Variants in SERPINB10 observed in about 807,000 individuals in gnomAD.
SERPINB10 encodes serpin family B member 10, also known as serpin B10.
SERPINB10 carries 35 observed loss-of-function variants against 39.1 expected under a neutral mutation model. That is an observed-to-expected ratio of 0.90 (90% CI 0.68 to 1.19). The LOEUF (loss-of-function observed/expected upper bound fraction) is 1.19, where lower values mean the gene tolerates loss of function less well. SERPINB10 is among the 50% of genes most tolerant of loss of function. The pLI is 0.00. For synonymous variants in SERPINB10, 190 were observed against 158.1 expected, an observed-to-expected ratio of 1.20 and a Z score of -1.52; for missense variants, 546 against 460.5, an observed-to-expected ratio of 1.19 and a Z score of -1.70.
At chr18:63,933,343 A>G (rs1223076352) in intron 7 of SERPINB10, 140 bp downstream of exon 7, 3 of 877,048 alleles carry the variant, frequency 3.4e-6, no homozygotes, top group East Asian at 4.9e-5. Flanking sequence ...AAGGTCACCA[A>G]TGTACCTTGA....
In SERPINB10 at chr18:63,933,056, CA is replaced by C; in HGVS notation, c.645del (p.Lys215AsnfsTer5). 1 of 1,612,994 alleles carries C rather than the reference CA, an allele frequency of 6.2e-7. No homozygotes were observed. On this transcript the variant is annotated frameshift_variant, in exon 7 of 8. Transcript: ENST00000238508. LOFTEE classifies it high-confidence loss of function. ...KPFRINETTS[K>X]PVQMMFMKKK... Reference sequence around the variant, plus strand: ...TTTTTTGTTTTTTTTAGACTACAAGCAAACCAGTGCAAATGATGTTTATGAA... The same window carrying C: ...TTTTTTGTTTTTTTTAGACTACAAGCAACCAGTGCAAATGATGTTTATGAA...
At chr18:63,912,092 T>C (rs1262542553) in intron 1 of SERPINB10, among the ~76,000 whole-genome samples, 2 of 152,044 alleles carry the variant, frequency 1.3e-5, no homozygotes, top group African/African-American at 4.8e-5. Flanking sequence ...TTGAATGTTA[T>C]TGGTATATAG....
At chr18:63,913,449 G>C (rs377022567) in intron 1 of SERPINB10, among the ~76,000 whole-genome samples, 1 of 151,932 alleles carries the variant, frequency 6.6e-6, no homozygotes, top group Non-Finnish European at 1.5e-5. Flanking sequence ...GCTTTTCGCT[G>C]CATCTTAGAG....
intron 4 of SERPINB10, among the ~76,000 whole-genome samples, chr18:63,919,050 T>A (rs2050125991): frequency 6.6e-6 from 1 of 152,006 alleles, no homozygotes; most frequent in Admixed American, 6.6e-5. Flanking sequence ...GCAACAGAAT[T>A]AACTCATCAC....
At chr18:63,916,294 A>T (rs572943278) in intron 2 of SERPINB10, among the ~76,000 whole-genome samples, 59 of 151,774 alleles carry the variant, frequency 3.9e-4, no homozygotes, top group African/African-American at 1.4e-3. Flanking sequence ...GTAAAAATAT[A>T]TATGAATACA....
intron 1 of SERPINB10, among the ~76,000 whole-genome samples, chr18:63,914,871 T>C (rs139019765): frequency 1.3e-5 from 2 of 152,036 alleles, no homozygotes; most frequent in Non-Finnish European, 2.9e-5. Context: ...TGAGGAAAAC[T>C]GAGTACTCTT....
In SERPINB10 at chr18:63,930,176, A is replaced by G; in HGVS notation, c.622A>G (p.Arg208Gly). ...LVQNTTEKPF[R>G]INETTSKPVQ... ...GCAAAACACCACAGAAAAGCCTTTT[A>G]GAATAAACGAGGTAGGAAATTTTTA... Residue 208 changes from arginine (R) to glycine (G), a missense_variant, in exon 6 of 8, where the codon AGA (arginine) becomes GGA (glycine). Transcript: ENST00000238508. 6.2e-7 allele frequency: 1 copy of G among 1,612,634 alleles called. No individual in the cohort carries two copies. Among genetic ancestry groups the G allele is most frequent in the Non-Finnish European group, 8.5e-7 (1 of 1,179,316 alleles).
intron 1 of SERPINB10, among the ~76,000 whole-genome samples, chr18:63,913,307 C>CT (rs1285310952): frequency 6.6e-6 from 1 of 151,448 alleles, no homozygotes; most frequent in Non-Finnish European, 1.5e-5. Flanking sequence ...ATGTTTTTTT[C>CT]TTTTGGAAGT....
intron 7 of SERPINB10, among the ~76,000 whole-genome samples, chr18:63,933,769 A>G (rs2050241191): frequency 6.6e-6 from 1 of 152,190 alleles, no homozygotes; most frequent in African/African-American, 2.4e-5. Flanking sequence ...ATTTCTATTA[A>G]TCTGGACACA....
intron 2 of SERPINB10, 137 bp downstream of exon 2, chr18:63,915,815 A>G: frequency 1.4e-6 from 1 of 732,258 alleles, no homozygotes; most frequent in African/African-American, 1.8e-5. Context: ...ATACATTAAA[A>G]CATTCTATAC....
At chr18:63,913,865 C>T (rs2050082704) in intron 1 of SERPINB10, among the ~76,000 whole-genome samples, 1 of 152,040 alleles carries the variant, frequency 6.6e-6, no homozygotes, top group African/African-American at 2.4e-5. Flanking sequence ...GTTAAAGTCC[C>T]CCACTATTGT....
intron 5 of SERPINB10, among the ~76,000 whole-genome samples, chr18:63,929,429 T>G (rs559020638): frequency 6.6e-5 from 10 of 152,092 alleles, no homozygotes; most frequent in African/African-American, 2.4e-4. Context: ...TGATTTATAC[T>G]CTAAGAGTAG....
chr18:63,911,865 G>A (rs945472146), intron 1 of SERPINB10, among the ~76,000 whole-genome samples: 2 of 152,056 alleles, frequency 1.3e-5, no homozygotes, highest in African/African-American at 2.4e-5. Flanking sequence ...TTTGCCTTCG[G>A]CAGTATGGCC....
chr18:63,928,907 G>T (rs893634490), intron 5 of SERPINB10, among the ~76,000 whole-genome samples: 1 of 151,702 alleles, frequency 6.6e-6, no homozygotes, highest in Admixed American at 6.6e-5. Flanking sequence ...CTGAGACTTT[G>T]CTGAAGTTGC....
intron 5 of SERPINB10, among the ~76,000 whole-genome samples, chr18:63,926,106 T>C (rs1214395008): frequency 6.6e-6 from 1 of 151,952 alleles, no homozygotes; most frequent in African/African-American, 2.4e-5. Flanking sequence ...GGGCTAGGTG[T>C]CAAAATCAGG....
At position 63,919,917 on chromosome 18, in the gene SERPINB10, C is replaced by T; in HGVS notation, c.490+12C>T. On this transcript the variant is annotated intron_variant, in intron 5 of 7. Transcript: ENST00000238508. ...AAGACAGACCGAGGGTAAGCTTTCA[C>T]CAAGGGGTTTGGCAGCGTGCTTTTC... The T allele has an allele frequency of 9.0e-6, 14 of 1,552,100 alleles. No individual in the cohort carries two copies. Among genetic ancestry groups the T allele is most frequent in the Non-Finnish European group, 1.1e-5 (13 of 1,134,830 alleles).
chr18:63,933,079 T>C lies in SERPINB10; in HGVS notation c.665T>C (p.Met222Thr), dbSNP rs1328764453. The change falls in exon 7 of 8, where the codon ATG (methionine) becomes ACG (threonine). Residue 222 changes from methionine (M) to threonine (T), a missense_variant. Physicochemically the swap from Met to Thr is moderately conservative, Grantham distance 81. Coordinates refer to ENST00000238508, the MANE Select transcript of SERPINB10 (RefSeq NM_005024.3). ...AGCAAACCAGTGCAAATGATGTTTA[T>C]GAAGAAAAAGCTTCACATTTTTCAC... ...TTSKPVQMMF[M>T]KKKLHIFHIE... The C allele has an allele frequency of 1.2e-6, 2 of 1,613,938 alleles. No individual in the cohort carries two copies. The highest frequency in any genetic ancestry group is 1.3e-5 in the African/African-American group (1 of 74,924).
intron 5 of SERPINB10, among the ~76,000 whole-genome samples, chr18:63,925,806 A>C (rs1037067665): frequency 1.3e-5 from 2 of 152,008 alleles, no homozygotes; most frequent in African/African-American, 2.4e-5. Flanking sequence ...TACTAAAATT[A>C]GTGGACAAAA....
Position 63,919,878 on chromosome 18 carries a change from A to C in SERPINB10, c.463A>C (p.Asn155His). 1 of 1,610,380 alleles carries C rather than the reference A, an allele frequency of 6.2e-7. No individual in the cohort carries two copies. The highest frequency in any genetic ancestry group is 1.1e-5 in the South Asian group (1 of 90,870). ...TTCTGATCAAATCAGAAAGGACATC[A>C]ACTCTTGGGTTGAAAGACAGACCGA... ...EASDQIRKDI[N>H]SWVERQTEGK... The change falls in exon 5 of 8, where the codon AAC (asparagine) becomes CAC (histidine). Residue 155 changes from asparagine to histidine, a missense_variant. Transcript: ENST00000238508.
Sources: gnomAD v4.1 joint callset for allele counts (sites outside exome capture counted in the v4.1 genomes callset) on GRCh38, gnomAD v4.1.1 for gene constraint, MANE v1.5 for transcripts, NCBI Gene and HGNC (gene_info 2026-07-23, HGNC 2026-07-21) for gene names.